The following FAM162A variants were observed in gnomAD, a reference collection of about 807,000 sequenced individuals.
FAM162A encodes the protein protein FAM162A.
FAM162A carries 23 observed loss-of-function variants against 21.8 expected under a neutral mutation model. The ratio of observed to expected loss-of-function variants is 1.05; its 90% CI spans 0.76 to 1.49. FAM162A has a LOEUF of 1.49. Among genes scored for constraint, FAM162A ranks in the 40% most tolerant of loss-of-function variants. FAM162A has a pLI of 0.00. For missense variants in FAM162A, 165 were observed against 186.4 expected, an observed-to-expected ratio of 0.89 and a Z score of 0.67; for synonymous variants, 53 against 61.3, an observed-to-expected ratio of 0.86 and a Z score of 0.64.
intron 1 of FAM162A, among the ~76,000 whole-genome samples, chr3:122,393,154 A>G (rs531515720): frequency 4.5e-4 from 68 of 152,332 alleles, no homozygotes; most frequent in African/African-American, 1.3e-3. Flanking sequence ...AACAAAATAA[A>G]TGAGGCCTTT....
chr3:122,404,555 T>A (rs1482137252), intron 3 of FAM162A, among the ~76,000 whole-genome samples, 192 bp downstream of exon 3: 3 of 152,274 alleles, frequency 2.0e-5, no homozygotes, highest in Non-Finnish European at 4.4e-5. Flanking sequence ...CTTATCATTG[T>A]TAAGTTACAC....
rs972828741 is a variant in FAM162A at position 122,411,825 on chromosome 3, G to A, written c.*1994G>A. On this transcript the variant is annotated 3_prime_UTR_variant, in exon 5 of 5. Coordinates refer to ENST00000477892, the MANE Select transcript of FAM162A (RefSeq NM_014367.4). ...CTCCCTCGGCCTCCCAAAGTGCTGGGATTACAGGCATGAGCCATGGTGCCT... is the reference window on the plus strand; with the variant it reads ...CTCCCTCGGCCTCCCAAAGTGCTGGAATTACAGGCATGAGCCATGGTGCCT... The A allele has an allele frequency of 4.6e-5, 7 of 152,150 alleles. No homozygotes were observed. The highest frequency in any genetic ancestry group is 1.7e-4 in the African/African-American group (7 of 41,414). 9.4% of individuals were successfully genotyped at this position (152,150 alleles called of 1,614,324 possible). A position where few individuals can be genotyped will look rare whatever the true frequency, so the allele number is the denominator to read the frequency against.
chr3:122,403,705 G>A (rs2075662650), intron 2 of FAM162A, among the ~76,000 whole-genome samples: 2 of 151,996 alleles, frequency 1.3e-5, no homozygotes, highest in African/African-American at 2.4e-5. Flanking sequence ...GAGGTTCTTC[G>A]TGACTCCTTC....
intron 1 of FAM162A, among the ~76,000 whole-genome samples, chr3:122,390,529 C>T (rs1164640828): frequency 6.6e-6 from 1 of 152,146 alleles, no homozygotes; most frequent in Non-Finnish European, 1.5e-5. Flanking sequence ...CACTGTCTAT[C>T]ATGGGGTTGG....
chr3:122,389,995 A>G (rs2075594675), intron 1 of FAM162A, among the ~76,000 whole-genome samples: 1 of 152,148 alleles, frequency 6.6e-6, no homozygotes, highest in African/African-American at 2.4e-5. Flanking sequence ...TTAATTAGCT[A>G]GACATGGTGG....
intron 1 of FAM162A, 69 bp downstream of exon 1, chr3:122,384,368 A>G: frequency 6.5e-7 from 1 of 1,529,272 alleles, no homozygotes; most frequent in Non-Finnish European, 8.9e-7. Context: ...GGAATCCTGA[A>G]GCCTTCCTGG....
chr3:122,392,221 G>C (rs1384880888), intron 1 of FAM162A, among the ~76,000 whole-genome samples: 2 of 152,164 alleles, frequency 1.3e-5, no homozygotes, highest in East Asian at 3.8e-4. Context: ...GCTGTCTTAG[G>C]AAATAATTAT....
chr3:122,386,638 T>A (rs2075576004), intron 1 of FAM162A, among the ~76,000 whole-genome samples: 2 of 151,958 alleles, frequency 1.3e-5, no homozygotes, highest in African/African-American at 4.8e-5. Flanking sequence ...ATTCTCTAGG[T>A]AAGTGAAATT....
intron 1 of FAM162A, among the ~76,000 whole-genome samples, chr3:122,401,112 C>T (rs2075651515): frequency 6.7e-6 from 1 of 149,990 alleles, no homozygotes; most frequent in African/African-American, 2.4e-5. Context: ...GCTTATTTTT[C>T]ATAAAACAGT....
intron 1 of FAM162A, chr3:122,401,539 A>G: frequency 7.9e-7 from 1 of 1,271,838 alleles, no homozygotes. Flanking sequence ...ATTATGAGTA[A>G]GTGTATTTGT....
At chr3:122,404,646 T>C (rs2075669081) in intron 3 of FAM162A, among the ~76,000 whole-genome samples, 1 of 152,236 alleles carries the variant, frequency 6.6e-6, no homozygotes, top group Non-Finnish European at 1.5e-5. Flanking sequence ...AGTGTGACTT[T>C]TTTAAAGTTT....
Position 122,411,559 on chromosome 3 carries a change from CCTT to C in FAM162A, c.*1729_*1731del, listed in dbSNP as rs1203815825. On this transcript the variant is annotated 3_prime_UTR_variant, in exon 5 of 5. Coordinates refer to ENST00000477892, the MANE Select transcript of FAM162A (RefSeq NM_014367.4). ...ATTTATGAGCTTAAATTTAATGAAA[CCTT>C]TTTTTTTTTTTTGAGACAGTCTTGC... The C allele has an allele frequency of 1.3e-5, 2 of 148,618 alleles. No homozygotes were observed. The highest frequency in any genetic ancestry group is 4.2e-4 in the East Asian group (2 of 4,720). 9.2% of individuals were successfully genotyped at this position (148,618 alleles called of 1,614,324 possible).
At chr3:122,401,406 A>G (rs1347172406) in intron 1 of FAM162A, 1 of 1,079,296 alleles carries the variant, frequency 9.3e-7, no homozygotes, top group Non-Finnish European at 1.1e-6. Context: ...TTAATGGAAC[A>G]TAAGTGAGAT....
rs193181986 is a variant in FAM162A at position 122,405,013 on chromosome 3, G to A, written c.263+650G>A. On this transcript the variant is annotated intron_variant, in intron 3 of 4. Coordinates refer to ENST00000477892, the MANE Select transcript of FAM162A (RefSeq NM_014367.4). ...CCCCCTACATGCCCGTAGCATTGCG[G>A]CAGTGCTGACAACCAGAAATGTCTC... Among the ~76,000 whole-genome samples the A allele has an allele frequency of 4.2e-3, 643 of 152,314 alleles. 2 individuals are homozygous for A. Among genetic ancestry groups the A allele is most frequent in the Non-Finnish European group, 6.4e-3 (433 of 68,026 alleles).
At chr3:122,408,254 C>T (rs1219454088) in intron 4 of FAM162A, among the ~76,000 whole-genome samples, 1 of 152,188 alleles carries the variant, frequency 6.6e-6, no homozygotes, top group Non-Finnish European at 1.5e-5. Flanking sequence ...AAAATCTAGA[C>T]CCAAGTTTGC....
intron 3 of FAM162A, 124 bp from the exon 4 acceptor site, chr3:122,407,156 TA>T (rs1305139603): frequency 5.7e-6 from 4 of 705,398 alleles, no homozygotes; most frequent in Non-Finnish European, 9.2e-6. Flanking sequence ...AAGAGATCTC[TA>T]GGTCTCCCTA....
At chr3:122,388,837 C>T (rs1330015889) in intron 1 of FAM162A, among the ~76,000 whole-genome samples, 1 of 152,150 alleles carries the variant, frequency 6.6e-6, no homozygotes, top group Non-Finnish European at 1.5e-5. Flanking sequence ...ATCACGAGGT[C>T]AGGAGATCGA....
intron 1 of FAM162A, among the ~76,000 whole-genome samples, chr3:122,396,589 G>T (rs529020426): frequency 3.4e-4 from 52 of 152,296 alleles, no homozygotes; most frequent in African/African-American, 1.2e-3. Flanking sequence ...TTCCTTAAAT[G>T]ATTAAATGGA....
intron 3 of FAM162A, among the ~76,000 whole-genome samples, chr3:122,407,048 G>A (rs1469519539): frequency 2.2e-5 from 3 of 135,274 alleles, no homozygotes; most frequent in Non-Finnish European, 4.8e-5. Flanking sequence ...TTCTTCTTTT[G>A]TACTTAATTG....
Sources: allele counts gnomAD v4.1 joint callset (sites outside exome capture counted in the v4.1 genomes callset), GRCh38; gene constraint gnomAD v4.1.1; transcripts MANE v1.5; gene names NCBI Gene and HGNC (gene_info 2026-07-23, HGNC 2026-07-21).